The following ROBO2 variants were observed in gnomAD, a reference collection of about 807,000 sequenced individuals.
The protein encoded by ROBO2 is roundabout homolog 2.
Under a neutral mutation model 160.8 loss-of-function variants are expected in ROBO2, and 53 were observed. That is an observed-to-expected ratio of 0.33 (90% CI 0.26 to 0.41). The LOEUF is 0.41. Among genes scored for constraint, ROBO2 ranks in the 10% least tolerant of loss-of-function variants. The probability of loss-of-function intolerance (pLI) is 1.00; values close to 1 mark genes in which losing one functional copy is unlikely to be tolerated. For missense variants in ROBO2, 1,577 were observed against 1,722.4 expected (o/e 0.92, Z 1.49); for synonymous variants, 664 against 611.7 (o/e 1.09, Z -1.26).
chr3:77,525,039 A>G (rs745492570), intron 6 of ROBO2, among the ~76,000 whole-genome samples: 2 of 151,402 alleles, frequency 1.3e-5, no homozygotes, highest in African/African-American at 2.4e-5. Flanking sequence ...ACAGGAAAAA[A>G]AAGACAACAC....
At chr3:77,647,364 T>G (rs2095419672) in exon 26 of ROBO2, 1 of 152,132 alleles carries the variant, frequency 6.6e-6, no homozygotes, top group Non-Finnish European at 1.5e-5. Flanking sequence ...GAATAAATAT[T>G]CTATGGTACA....
At chr3:77,063,621 C>T (rs570135555) in intron 1 of ROBO2, among the ~76,000 whole-genome samples, 12 of 152,274 alleles carry the variant, frequency 7.9e-5, no homozygotes, top group South Asian at 4.1e-4. Flanking sequence ...CTCACACTTA[C>T]GTTAGGCTAC....
chr3:77,175,909 G>A (rs552324309), intron 2 of ROBO2, among the ~76,000 whole-genome samples: 30 of 152,072 alleles, frequency 2.0e-4, no homozygotes, highest in Non-Finnish European at 4.0e-4. Flanking sequence ...TAAGTAGGGA[G>A]AAAAATCAGA....
At chr3:77,567,180 T>C (rs1048665991) in intron 12 of ROBO2, among the ~76,000 whole-genome samples, 2 of 151,968 alleles carry the variant, frequency 1.3e-5, no homozygotes, top group Non-Finnish European at 2.9e-5. Flanking sequence ...ATTTAAGTAA[T>C]AGCTGAGAAA....
At chr3:76,105,745 G>T (rs1277082521) in intron 2 of ROBO2, among the ~76,000 whole-genome samples, 1 of 151,902 alleles carries the variant, frequency 6.6e-6, no homozygotes, top group Non-Finnish European at 1.5e-5. Flanking sequence ...GAGTAAAATG[G>T]TATTGCCTAT....
At chr3:76,148,422 G>T (rs1354700851) in intron 2 of ROBO2, among the ~76,000 whole-genome samples, 2 of 151,878 alleles carry the variant, frequency 1.3e-5, no homozygotes, top group African/African-American at 4.8e-5. Context: ...AAGTACTCTG[G>T]CATGCCAGGA....
intron 8 of ROBO2, among the ~76,000 whole-genome samples, chr3:77,553,863 C>T (rs1235914806): frequency 6.9e-6 from 1 of 143,894 alleles, no homozygotes; most frequent in Non-Finnish European, 1.5e-5. Context: ...CAAGGTAAAG[C>T]ATCAAGGGCT....
intron 2 of ROBO2, among the ~76,000 whole-genome samples, chr3:77,131,186 G>T (rs1391945112): frequency 6.6e-6 from 1 of 152,044 alleles, no homozygotes; most frequent in African/African-American, 2.4e-5. Context: ...CTGGATCTTT[G>T]GTTGAAAGAT....
intron 2 of ROBO2, among the ~76,000 whole-genome samples, chr3:77,350,240 G>A (rs951444893): frequency 2.0e-5 from 3 of 151,584 alleles, no homozygotes; most frequent in Non-Finnish European, 2.9e-5. Flanking sequence ...TATTAACCCA[G>A]GTAATTTTGG....
chr3:76,880,598 C>A (rs1055013221), intron 2 of ROBO2, among the ~76,000 whole-genome samples: 35 of 151,924 alleles, frequency 2.3e-4, no homozygotes, highest in African/African-American at 7.7e-4. Flanking sequence ...TTTTTGGAGG[C>A]CTTTTTAAAA....
intron 2 of ROBO2, among the ~76,000 whole-genome samples, chr3:76,341,799 A>T (rs947329370): frequency 6.6e-6 from 1 of 152,182 alleles, no homozygotes; most frequent in Non-Finnish European, 1.5e-5. Context: ...TTAAAATGGG[A>T]CGTAAAAAAA....
intron 2 of ROBO2, among the ~76,000 whole-genome samples, chr3:77,293,841 G>A (rs1393787466): frequency 2.8e-5 from 4 of 141,550 alleles, no homozygotes; most frequent in East Asian, 4.0e-4. Flanking sequence ...ATGGTTAAAC[G>A]GGTAGGCTGA....
chr3:76,527,015 G>A (rs2081983495), intron 2 of ROBO2, among the ~76,000 whole-genome samples: 1 of 151,940 alleles, frequency 6.6e-6, no homozygotes, highest in Admixed American at 6.6e-5. Flanking sequence ...CCTGGAAAAG[G>A]AAATTGCTTT....
chr3:76,589,112 C>T (rs1024071988), intron 2 of ROBO2, among the ~76,000 whole-genome samples: 1 of 151,784 alleles, frequency 6.6e-6, no homozygotes, highest in Non-Finnish European at 1.5e-5. Context: ...TAGGTGGTCT[C>T]AACACAAAAG....
Position 76,155,983 on chromosome 3 carries a change from GACATATTGATTTTACTA to G in ROBO2, c.109+218382_109+218398del, listed in dbSNP as rs572699781. Among the ~76,000 whole-genome samples the G allele has an allele frequency of 1.5e-3, 227 of 152,108 alleles. 1 individual carries two copies. Among genetic ancestry groups the G allele is most frequent in the Middle Eastern group, 3.4e-3 (1 of 292 alleles). On this transcript the variant is annotated intron_variant, in intron 2 of 26. Coordinates refer to the ROBO2 transcript ENST00000487694. ...GTTATATATATTTTTTCATCCAAAA[GACATATTGATTTTACTA>G]GGAGGCTAAATGATACCATTTTGCT... is the stretch of plus-strand genomic sequence containing the variant.
intron 2 of ROBO2, among the ~76,000 whole-genome samples, chr3:77,402,278 G>T (rs1260797823): frequency 3.9e-5 from 6 of 151,992 alleles, no homozygotes; most frequent in Non-Finnish European, 8.8e-5. Flanking sequence ...ACACACCGGG[G>T]CCTGTCTGGA....
intron 2 of ROBO2, among the ~76,000 whole-genome samples, chr3:76,821,573 G>T (rs561357492): frequency 2.0e-5 from 3 of 151,862 alleles, no homozygotes; most frequent in Admixed American, 1.3e-4. Flanking sequence ...TCTTTAAAAG[G>T]TTGTTATGAG....
At chr3:76,440,087 A>G (rs1339930115) in intron 2 of ROBO2, among the ~76,000 whole-genome samples, 2 of 152,128 alleles carry the variant, frequency 1.3e-5, no homozygotes, top group African/African-American at 2.4e-5. Flanking sequence ...CCATGGATGA[A>G]TCCTGTCTCT....
chr3:76,869,648 C>T (rs557911619), intron 2 of ROBO2, among the ~76,000 whole-genome samples: 2 of 152,054 alleles, frequency 1.3e-5, no homozygotes, highest in African/African-American at 2.4e-5. Context: ...CGCGCCCGGC[C>T]GATCTTTTTT....
Sources: gnomAD v4.1 joint callset for allele counts (sites outside exome capture counted in the v4.1 genomes callset) on GRCh38, gnomAD v4.1.1 for gene constraint, MANE v1.5 for transcripts, NCBI Gene and HGNC (gene_info 2026-07-23, HGNC 2026-07-21) for gene names.